Variants in TARBP1 observed in about 807,000 individuals in gnomAD.
TARBP1 encodes tRNA guanosine 2 -O-methyltransferase TARBP1.
Under a neutral mutation model 178.6 loss-of-function variants are expected in TARBP1, and 144 were observed. That is an observed-to-expected ratio of 0.81 (90% CI 0.70 to 0.93). TARBP1 has a LOEUF of 0.93. TARBP1 is among the 40% of genes least tolerant of loss of function. The pLI, the probability that TARBP1 is intolerant of heterozygous loss-of-function variation, is 0.00. For missense variants in TARBP1, 2,067 were observed against 2,011.7 expected, an observed-to-expected ratio of 1.03 and a Z score of -0.53; for synonymous variants, 787 against 781.0, an observed-to-expected ratio of 1.01 and a Z score of -0.13.
At chr1:234,408,861 T>C (rs1035940522) in intron 23 of TARBP1, among the ~76,000 whole-genome samples, 11 of 152,208 alleles carry the variant, frequency 7.2e-5, no homozygotes, top group African/African-American at 1.2e-4. Flanking sequence ...ACTCTTCCTC[T>C]ATTGCAATTC....
At chr1:234,398,674 C>T (rs1316671157) in intron 25 of TARBP1, 121 bp from the exon 26 acceptor site, 1 of 713,444 alleles carries the variant, frequency 1.4e-6, no homozygotes, top group East Asian at 3.0e-5. Context: ...TCTGATCAAA[C>T]TATATACTTT....
chr1:234,472,200 G>A (rs1018702161), intron 2 of TARBP1, among the ~76,000 whole-genome samples: 16 of 151,870 alleles, frequency 1.1e-4, no homozygotes, highest in African/African-American at 2.7e-4. Context: ...AGCCAGTGTC[G>A]TGGCTGTAGT....
intron 24 of TARBP1, among the ~76,000 whole-genome samples, chr1:234,404,764 C>T (rs1661041201): frequency 6.6e-6 from 1 of 152,224 alleles, no homozygotes. Context: ...CTCCCCACAG[C>T]TAACTCTCTT....
At position 234,478,754 on chromosome 1, in the gene TARBP1, G is replaced by C; in HGVS notation, c.350C>G (p.Ala117Gly). 1 of 1,145,158 alleles carries C rather than the reference G, an allele frequency of 8.7e-7. No homozygotes were observed. The highest frequency in any genetic ancestry group is 3.9e-5 in the South Asian group (1 of 25,850). The allele number at this position is 1,145,158 out of a possible 1,614,324, so 70.9% of individuals were successfully genotyped here. ...CAGCGCCTCCTCAGCCAGCGCGGCCGCCAGCTGCGGACGCCCGGCCAGGCG... is the reference window on the plus strand; with the variant it reads ...CAGCGCCTCCTCAGCCAGCGCGGCCCCCAGCTGCGGACGCCCGGCCAGGCG... The part of the protein sequence containing the change: ...CVRLAGRPQL[A>G]AALAEEALRD... The change falls in exon 1 of 30, where the codon GCG (alanine) becomes GGG (glycine). Residue 117 changes from alanine to glycine, a missense_variant. Transcript: ENST00000040877.
intron 29 of TARBP1, 102 bp downstream of exon 29, chr1:234,392,314 C>T (rs999107786): frequency 2.8e-6 from 4 of 1,439,850 alleles, no homozygotes; most frequent in African/African-American, 2.9e-5. Context: ...CCAGCCTGGG[C>T]TACAGAGTGA....
chr1:234,429,358 A>C, intron 16 of TARBP1, 34 bp from the exon 17 acceptor site: 1 of 1,568,222 alleles, frequency 6.4e-7, no homozygotes, highest in Non-Finnish European at 8.6e-7. Context: ...TACTTATTTC[A>C]AAAACTTGAT....
chr1:234,401,299 T>A, intron 24 of TARBP1, 37 bp from the exon 25 acceptor site: 1 of 1,507,354 alleles, frequency 6.6e-7, no homozygotes, highest in Non-Finnish European at 9.2e-7. Context: ...CACAGACAAA[T>A]GAAACAACTC....
Position 234,478,433 on chromosome 1 carries a change from C to T in TARBP1, c.671G>A (p.Gly224Asp). ...LAAPGASLGSGRVEEKLLVLS... is the reference protein window; with the variant it reads ...LAAPGASLGSDRVEEKLLVLS... Reference sequence around the variant, plus strand: ...GACCAGCAGCTTCTCCTCTACGCGGCCGGACCCCAGGGACGCCCCAGGCGC... The same window carrying T: ...GACCAGCAGCTTCTCCTCTACGCGGTCGGACCCCAGGGACGCCCCAGGCGC... The change falls in exon 1 of 30, where the codon GGC becomes GAC. Residue 224 changes from glycine (G) to aspartate (D), a missense_variant. By Grantham distance (94) the Gly-to-Asp change is moderately conservative. Transcript: ENST00000040877. The T allele has an allele frequency of 2.2e-6, 3 of 1,387,648 alleles. No homozygotes were observed. Among genetic ancestry groups the T allele is most frequent in the African/African-American group, 1.5e-5 (1 of 66,028 alleles). 86.0% of individuals were successfully genotyped at this position (1,387,648 alleles called of 1,614,324 possible).
chr1:234,476,815 CCACAGG>C (rs1348850732), intron 1 of TARBP1, among the ~76,000 whole-genome samples: 1 of 152,188 alleles, frequency 6.6e-6, no homozygotes, highest in Non-Finnish European at 1.5e-5. Context: ...CGTTAAGAGG[CCACAGG>C]ATTTGCTTTC....
At chr1:234,402,363 A>G (rs114190063) in intron 24 of TARBP1, among the ~76,000 whole-genome samples, 11,591 of 152,266 alleles carry the variant, frequency 0.076, 515 homozygotes, top group Non-Finnish European at 0.093. Context: ...CCCCACCACT[A>G]GCTGTTGAAC....
rs778374605 is a variant in TARBP1, at chr1:234,427,587, C to T, written c.3240G>A (p.Arg1080=). The T allele has an allele frequency of 1.1e-5, 17 of 1,600,124 alleles. No homozygotes were observed. The South Asian group carries it at 1.8e-4, about 17-fold the overall frequency. ...LEACIFGTVF[R]RDQRLVQDVQ... ...ATAGCATCTTTTACCTTTGATCACG[C>T]CTAAACACAGTTCCAAATATACAAG... The change falls in exon 18 of 30, where the codon AGG becomes AGA. Residue 1080 remains arginine (R), a synonymous_variant. Coordinates refer to ENST00000040877, the MANE Select transcript of TARBP1 (RefSeq NM_005646.4).
intron 10 of TARBP1, among the ~76,000 whole-genome samples, chr1:234,449,538 G>C (rs1207181531): frequency 6.6e-6 from 1 of 152,126 alleles, no homozygotes; most frequent in South Asian, 2.1e-4. Context: ...TACTTTAATA[G>C]AGACTAACAT....
chr1:234,391,781 G>C, intron 29 of TARBP1, 36 bp from the exon 30 acceptor site: 1 of 1,586,490 alleles, frequency 6.3e-7, no homozygotes, highest in South Asian at 1.1e-5. Flanking sequence ...TAGTTTTCCT[G>C]TAACAAACAA....
At chr1:234,444,120 T>C (rs9435583) in intron 12 of TARBP1, among the ~76,000 whole-genome samples, 37,184 of 152,126 alleles carry the variant, frequency 0.24, 5,204 homozygotes, top group South Asian at 0.43. Context: ...TTTTACTTTA[T>C]GTATAAAACT....
At chr1:234,430,429 G>A (rs1368737752) in intron 14 of TARBP1, 128 bp from the exon 15 acceptor site, 3 of 769,256 alleles carry the variant, frequency 3.9e-6, no homozygotes, top group Admixed American at 2.8e-5. Context: ...TGAATATCAG[G>A]AGAAATAAAA....
At chr1:234,441,872 T>C (rs1384344722) in intron 12 of TARBP1, among the ~76,000 whole-genome samples, 2 of 152,248 alleles carry the variant, frequency 1.3e-5, no homozygotes, top group Admixed American at 6.5e-5. Context: ...CGTTGTAACA[T>C]GTATTACTAC....
intron 22 of TARBP1, among the ~76,000 whole-genome samples, chr1:234,414,745 G>C (rs1425075671): frequency 6.6e-6 from 1 of 152,214 alleles, no homozygotes. Flanking sequence ...AGCACTTAGG[G>C]AGGCCGAAGC....
intron 18 of TARBP1, 58 bp from the exon 19 acceptor site, chr1:234,427,446 A>T: frequency 6.7e-7 from 1 of 1,494,304 alleles, no homozygotes; most frequent in African/African-American, 1.4e-5. Context: ...AAAAAATTAA[A>T]TCCCCAAGGT....
chr1:234,421,163 A>G (rs945256129), intron 20 of TARBP1, among the ~76,000 whole-genome samples: 1 of 152,140 alleles, frequency 6.6e-6, no homozygotes, highest in Non-Finnish European at 1.5e-5. Context: ...ATCTCAGCTC[A>G]CTGCAACCTC....
Sources: allele counts gnomAD v4.1 joint callset (sites outside exome capture counted in the v4.1 genomes callset), GRCh38; gene constraint gnomAD v4.1.1; transcripts MANE v1.5; gene names NCBI Gene and HGNC (gene_info 2026-07-23, HGNC 2026-07-21).